SEMA3A: variants seen among roughly 807,000 people sequenced by gnomAD.
SEMA3A encodes the protein semaphorin-3A.
SEMA3A carries 29 observed loss-of-function variants against 97.9 expected under a neutral mutation model. The observed-to-expected ratio is 0.30, with a 90% CI of 0.22 to 0.40. The LOEUF is 0.40. SEMA3A is among the 10% of genes least tolerant of loss of function. SEMA3A has a pLI of 1.00. For synonymous variants in SEMA3A, 321 were observed against 323.7 expected (o/e 0.99, Z 0.09); for missense variants, 763 against 951.3 (o/e 0.80, Z 2.60).
At chr7:84,415,851 C>A (rs181472900) in intron 1 of SEMA3A, among the ~76,000 whole-genome samples, 4 of 151,932 alleles carry the variant, frequency 2.6e-5, no homozygotes, top group African/African-American at 9.6e-5. Flanking sequence ...TTTTTTATAG[C>A]AATTTTCAAA....
intron 2 of SEMA3A, among the ~76,000 whole-genome samples, chr7:84,345,507 G>A (rs1335499308): frequency 6.6e-6 from 1 of 152,178 alleles, no homozygotes; most frequent in Admixed American, 6.6e-5. Flanking sequence ...CAAAATTGGA[G>A]TCAATCCTTT....
chr7:84,134,541 T>A (rs567794406), intron 2 of SEMA3A, among the ~76,000 whole-genome samples: 1 of 152,174 alleles, frequency 6.6e-6, no homozygotes, highest in Non-Finnish European at 1.5e-5. Flanking sequence ...GTAGGAAAAA[T>A]AGATATGAAA....
At chr7:84,082,745 T>G (rs1302881518) in intron 4 of SEMA3A, among the ~76,000 whole-genome samples, 1 of 151,972 alleles carries the variant, frequency 6.6e-6, no homozygotes, top group Non-Finnish European at 1.5e-5. Flanking sequence ...GTTCAAATAA[T>G]TTCTATAAAT....
intron 2 of SEMA3A, among the ~76,000 whole-genome samples, chr7:84,313,973 T>C (rs976348770): frequency 6.6e-6 from 1 of 152,062 alleles, no homozygotes; most frequent in African/African-American, 2.4e-5. Context: ...TATACAGTTT[T>C]ACACTTAAAG....
intron 4 of SEMA3A, among the ~76,000 whole-genome samples, chr7:84,086,601 TATAATCCTC>T (rs1794380479): frequency 7.1e-6 from 1 of 140,578 alleles, no homozygotes; most frequent in East Asian, 2.0e-4. Flanking sequence ...ATATTATATT[TATAATCCTC>T]ACAATTCTCA....
intron 1 of SEMA3A, among the ~76,000 whole-genome samples, chr7:84,148,387 G>T (rs1796528002): frequency 1.3e-5 from 2 of 152,082 alleles, no homozygotes; most frequent in Admixed American, 1.3e-4. Flanking sequence ...CGGAAGGATG[G>T]AAGGAGATGG....
chr7:83,982,227 T>A (rs2116321364), intron 13 of SEMA3A, among the ~76,000 whole-genome samples: 1 of 152,282 alleles, frequency 6.6e-6, no homozygotes, highest in Non-Finnish European at 1.5e-5. Flanking sequence ...TCATATAATT[T>A]TTCTAAGAAT....
chr7:84,077,479 G>A (rs187538928), intron 4 of SEMA3A, among the ~76,000 whole-genome samples: 213 of 152,068 alleles, frequency 1.4e-3, no homozygotes, highest in African/African-American at 4.8e-3. Flanking sequence ...AAAAGAATTG[G>A]AATCTAGTCA....
At chr7:84,061,368 C>T (rs1196957617) in intron 4 of SEMA3A, among the ~76,000 whole-genome samples, 1 of 152,148 alleles carries the variant, frequency 6.6e-6, no homozygotes, top group African/African-American at 2.4e-5. Context: ...AAGGAGATAA[C>T]TAATTCACGC....
In SEMA3A at chr7:84,201,023, C is replaced by G. The variant is rs940059688; in HGVS notation, c.-82-6355G>C. On this transcript the variant is annotated intron_variant, in intron 3 of 3. Coordinates refer to the SEMA3A transcript ENST00000424555. Reference sequence around the variant, plus strand: ...TTGCTTTCAGTAAAGGCATATCACACACATTTTCACTGAATAAATAAATAA... The same window carrying G: ...TTGCTTTCAGTAAAGGCATATCACAGACATTTTCACTGAATAAATAAATAA... 5.9e-5 allele frequency among the ~76,000 whole-genome samples: 9 copies of G among 152,076 alleles called. 1 individual carries two copies. The highest frequency in any genetic ancestry group is 1.3e-4 in the Admixed American group (2 of 15,274).
At chr7:84,474,640 T>C (rs1348012251) in intron 1 of SEMA3A, among the ~76,000 whole-genome samples, 1 of 152,178 alleles carries the variant, frequency 6.6e-6, no homozygotes, top group Non-Finnish European at 1.5e-5. Context: ...TATTACTACC[T>C]GACAGTTTTA....
intron 2 of SEMA3A, among the ~76,000 whole-genome samples, chr7:84,326,592 T>C (rs186543905): frequency 6.0e-4 from 91 of 152,196 alleles, no homozygotes; most frequent in Middle Eastern, 3.4e-3. Flanking sequence ...TTTTATTCAG[T>C]TTTGTGAAAA....
intron 1 of SEMA3A, among the ~76,000 whole-genome samples, chr7:84,188,041 C>A (rs141488682): frequency 4.3e-4 from 65 of 152,124 alleles, no homozygotes; most frequent in African/African-American, 1.6e-3. Context: ...ATTGCTGCAA[C>A]GCTTTAAGTT....
intron 12 of SEMA3A, among the ~76,000 whole-genome samples, chr7:84,000,419 T>G: frequency 6.6e-6 from 1 of 152,152 alleles, no homozygotes; most frequent in Admixed American, 6.6e-5. Context: ...TCTTGAAGAC[T>G]TAAACCAAGG....
chr7:84,451,409 G>T (rs188271613), intron 1 of SEMA3A, among the ~76,000 whole-genome samples: 1 of 152,058 alleles, frequency 6.6e-6, no homozygotes, highest in Admixed American at 6.5e-5. Context: ...AACAAATTTT[G>T]CCCAGCTATC....
intron 3 of SEMA3A, among the ~76,000 whole-genome samples, chr7:84,283,679 A>T (rs1222780526): frequency 6.6e-6 from 1 of 152,130 alleles, no homozygotes; most frequent in Non-Finnish European, 1.5e-5. Context: ...ACATAGTAAA[A>T]GTGTTGTTAA....
intron 2 of SEMA3A, among the ~76,000 whole-genome samples, chr7:84,316,098 G>T (rs1389325978): frequency 8.1e-6 from 1 of 123,360 alleles, no homozygotes; most frequent in Non-Finnish European, 1.6e-5. Context: ...TCACTTGAAG[G>T]CCTGCCTGCA....
At chr7:84,091,157 AAGGAAG>A in intron 4 of SEMA3A, among the ~76,000 whole-genome samples, 1 of 36,754 alleles carries the variant, frequency 2.7e-5, no homozygotes, top group African/African-American at 1.0e-4. Flanking sequence ...GGAAGGAAGG[AAGGAAG>A]GAAGGAAAGA....
At chr7:84,021,283 A>G (rs1432810812) in intron 6 of SEMA3A, among the ~76,000 whole-genome samples, 2 of 151,968 alleles carry the variant, frequency 1.3e-5, no homozygotes, top group Non-Finnish European at 2.9e-5. Flanking sequence ...GTGACATAGA[A>G]TATTTGCTTC....
Sources: gnomAD v4.1 joint callset for allele counts (sites outside exome capture counted in the v4.1 genomes callset) on GRCh38, gnomAD v4.1.1 for gene constraint, MANE v1.5 for transcripts, NCBI Gene and HGNC (gene_info 2026-07-23, HGNC 2026-07-21) for gene names.